PTPRN2: variants seen among roughly 807,000 people sequenced by gnomAD.
PTPRN2 encodes protein tyrosine phosphatase receptor type N2.
Under a neutral mutation model 118.8 loss-of-function variants are expected in PTPRN2, and 74 were observed. That is an observed-to-expected ratio of 0.62 (90% CI 0.52 to 0.76). The LOEUF (loss-of-function observed/expected upper bound fraction) is 0.76, where lower values mean the gene tolerates loss of function less well. Among genes scored for constraint, PTPRN2 ranks in the 30% least tolerant of loss-of-function variants. PTPRN2 has a pLI of 0.00. For missense variants in PTPRN2, 1,481 were observed against 1,394.4 expected (o/e 1.06, Z -0.99); for synonymous variants, 641 against 608.0 (o/e 1.05, Z -0.80).
chr7:158,163,337 ATTT>A (rs1822542852), intron 6 of PTPRN2, among the ~76,000 whole-genome samples: 53 of 123,268 alleles, frequency 4.3e-4, no homozygotes, highest in South Asian at 7.7e-4. Context: ...AATTCTCTCT[ATTT>A]CATAGGTGAC....
At position 157,712,231 on chromosome 7, in the gene PTPRN2, G is replaced by A. The variant is rs532329423; in HGVS notation, c.1789-29294C>T. On this transcript the variant is annotated intron_variant, in intron 12 of 22. Transcript: ENST00000389418. ...GCTCAGATCTTTGATTAAGAAAATA[G>A]AAATCAGGCATTTGTATTATTTATG... Among the ~76,000 whole-genome samples, 383 of 152,264 alleles carry A rather than the reference G, an allele frequency of 2.5e-3. 1 individual carries two copies. Among genetic ancestry groups the A allele is most frequent in the Non-Finnish European group, 4.3e-3 (295 of 67,992 alleles).
intron 1 of PTPRN2, among the ~76,000 whole-genome samples, chr7:158,531,354 C>T (rs372011043): frequency 1.7e-4 from 26 of 152,202 alleles, no homozygotes; most frequent in Non-Finnish European, 2.5e-4. Flanking sequence ...CTCAAGCCCG[C>T]GGCTGCCACC....
At chr7:158,385,256 A>G (rs1456761396) in intron 2 of PTPRN2, among the ~76,000 whole-genome samples, 1 of 152,104 alleles carries the variant, frequency 6.6e-6, no homozygotes, top group Non-Finnish European at 1.5e-5. Context: ...TCTGGGAACA[A>G]TTCCAGAGAC....
intron 11 of PTPRN2, among the ~76,000 whole-genome samples, chr7:157,960,129 C>T (rs1409306046): frequency 6.9e-6 from 1 of 145,490 alleles, no homozygotes; most frequent in African/African-American, 2.6e-5. Flanking sequence ...CTAGGGTCAT[C>T]AGATCCATAA....
chr7:158,311,228 GT>G (rs1801701675), intron 3 of PTPRN2, among the ~76,000 whole-genome samples: 1 of 152,174 alleles, frequency 6.6e-6, no homozygotes, highest in Non-Finnish European at 1.5e-5. Flanking sequence ...GGATTTCTGT[GT>G]TCCAGTCCAC....
At chr7:158,072,081 T>C (rs1811965339) in intron 11 of PTPRN2, among the ~76,000 whole-genome samples, 1 of 132,334 alleles carries the variant, frequency 7.6e-6, no homozygotes, top group South Asian at 2.2e-4. Flanking sequence ...GTGCTCGTGG[T>C]GGTGGAGGTG....
chr7:158,431,479 G>A (rs117317719), intron 2 of PTPRN2, among the ~76,000 whole-genome samples: 109 of 7,594 alleles, frequency 0.014, 5 homozygotes, highest in African/African-American at 0.052. Flanking sequence ...CACATACTGG[G>A]CACACACTGG....
chr7:157,706,359 G>C (rs1403109915), intron 12 of PTPRN2, among the ~76,000 whole-genome samples: 1 of 149,846 alleles, frequency 6.7e-6, no homozygotes, highest in Non-Finnish European at 1.5e-5. Flanking sequence ...AGTGCCTTCC[G>C]GATCAACATG....
intron 6 of PTPRN2, among the ~76,000 whole-genome samples, chr7:158,159,669 T>C (rs1822184554): frequency 6.6e-6 from 1 of 152,200 alleles, no homozygotes; most frequent in African/African-American, 2.4e-5. Context: ...TTATTTGTCA[T>C]TGGTTCATTT....
intron 3 of PTPRN2, among the ~76,000 whole-genome samples, chr7:158,270,886 G>GGGCC (rs1798383861): frequency 1.3e-4 from 1 of 7,988 alleles, no homozygotes; most frequent in African/African-American, 9.1e-4. Context: ...CCACCTGGAT[G>GGGCC]ACCCCCTCCA....
At chr7:157,811,068 G>A (rs932609538) in intron 12 of PTPRN2, among the ~76,000 whole-genome samples, 4 of 151,800 alleles carry the variant, frequency 2.6e-5, no homozygotes, top group South Asian at 2.1e-4. Context: ...TCAGGAGATC[G>A]AGACCATCCT....
At chr7:158,230,172 T>C in intron 3 of PTPRN2, among the ~76,000 whole-genome samples, 1 of 151,974 alleles carries the variant, frequency 6.6e-6, no homozygotes, top group East Asian at 1.9e-4. Context: ...CCTTCAACTA[T>C]AAAGGAGAGA....
rs993228823 is a variant in PTPRN2 at position 158,570,776 on chromosome 7, C to G, written c.112+16782G>C. 1.3e-5 allele frequency among the ~76,000 whole-genome samples: 2 copies of G among 152,262 alleles called. No homozygotes were observed. The highest frequency in any genetic ancestry group is 2.9e-5 in the Non-Finnish European group (2 of 68,048). On this transcript the variant is annotated intron_variant, in intron 1 of 22. Transcript: ENST00000389418. The surrounding 1 kb of genome is among the most constrained non-coding windows in gnomAD (Gnocchi z 4.5). ...CTCCGACCACGGACTCACCGGGAAG[C>G]ACCAAGGAGAACCGCCTCCTCAGGA...
At chr7:157,946,146 G>T (rs1365061191) in intron 11 of PTPRN2, among the ~76,000 whole-genome samples, 1 of 152,174 alleles carries the variant, frequency 6.6e-6, no homozygotes, top group Non-Finnish European at 1.5e-5. Context: ...TGATGGTGAG[G>T]CAGGATAATA....
intron 2 of PTPRN2, among the ~76,000 whole-genome samples, chr7:158,368,478 T>C (rs1167897469): frequency 6.6e-6 from 1 of 152,208 alleles, no homozygotes; most frequent in East Asian, 1.9e-4. Flanking sequence ...AGGGTTTCCA[T>C]ACATGATGGA....
At chr7:158,089,604 TC>T (rs1813843074) in intron 10 of PTPRN2, among the ~76,000 whole-genome samples, 1 of 120,360 alleles carries the variant, frequency 8.3e-6, no homozygotes, top group African/African-American at 3.2e-5. Context: ...CAAACCTTCT[TC>T]CCCTGATGAA....
At chr7:158,120,111 T>C (rs1010128661) in intron 9 of PTPRN2, among the ~76,000 whole-genome samples, 1 of 152,122 alleles carries the variant, frequency 6.6e-6, no homozygotes, top group Non-Finnish European at 1.5e-5. Context: ...AAAGGACAAA[T>C]TCTGTGTGTC....
At chr7:158,454,197 T>C (rs55666765) in intron 2 of PTPRN2, among the ~76,000 whole-genome samples, 6 of 140,528 alleles carry the variant, frequency 4.3e-5, no homozygotes, top group East Asian at 2.2e-4. Flanking sequence ...ACACAATCAC[T>C]GATGTGAGGA....
intron 4 of PTPRN2, among the ~76,000 whole-genome samples, chr7:158,196,425 G>A (rs1826215398): frequency 6.6e-6 from 1 of 152,178 alleles, no homozygotes; most frequent in African/African-American, 2.4e-5. Flanking sequence ...TCCACCATGG[G>A]GGTCTGCCTC....
Sources: gnomAD v4.1 joint callset for allele counts (sites outside exome capture counted in the v4.1 genomes callset) on GRCh38, gnomAD v4.1.1 for gene constraint, Gnocchi (gnomAD v3.1) non-coding constraint, MANE v1.5 for transcripts, NCBI Gene and HGNC (gene_info 2026-07-23, HGNC 2026-07-21) for gene names.